MSRA: variants seen among roughly 807,000 people sequenced by gnomAD.
MSRA encodes methionine sulfoxide reductase A.
Under a neutral mutation model 31.3 loss-of-function variants are expected in MSRA, and 54 were observed. The ratio of observed to expected loss-of-function variants is 1.73; its 90% CI spans 1.39 to 2.17. The LOEUF (loss-of-function observed/expected upper bound fraction) is 2.17. MSRA is among the 30% of genes most tolerant of loss of function. MSRA has a pLI of 0.00. For synonymous variants in MSRA, 169 were observed against 116.5 expected (o/e 1.45, Z -2.90); for missense variants, 507 against 300.9 (o/e 1.69, Z -5.07).
intron 2 of MSRA, among the ~76,000 whole-genome samples, chr8:10,223,997 C>T (rs1810761492): frequency 6.6e-6 from 1 of 152,182 alleles, no homozygotes; most frequent in African/African-American, 2.4e-5. Context: ...CTAACTAGTT[C>T]TGGGTCCATG....
At chr8:10,254,858 TA>T (rs889046816) in intron 3 of MSRA, among the ~76,000 whole-genome samples, 1 of 152,240 alleles carries the variant, frequency 6.6e-6, no homozygotes, top group East Asian at 1.9e-4. Flanking sequence ...AAATGGCTTA[TA>T]AAAAATAATC....
chr8:10,257,839 A>G (rs1473970193), intron 3 of MSRA, among the ~76,000 whole-genome samples: 1 of 152,138 alleles, frequency 6.6e-6, no homozygotes, highest in Non-Finnish European at 1.5e-5. Context: ...TATTTTTCTG[A>G]CAGGACATGC....
intron 1 of MSRA, among the ~76,000 whole-genome samples, chr8:10,189,665 A>T (rs1757656925): frequency 6.6e-6 from 1 of 152,202 alleles, no homozygotes; most frequent in South Asian, 2.1e-4. Flanking sequence ...TTGTTAAAAC[A>T]ACTTTGAATT....
At chr8:10,322,528 G>A (rs1446767838) in intron 5 of MSRA, among the ~76,000 whole-genome samples, 5 of 152,096 alleles carry the variant, frequency 3.3e-5, no homozygotes, top group African/African-American at 1.2e-4. Flanking sequence ...AGATTTGTGG[G>A]GAAGGTAAGT....
At chr8:10,093,633 A>T (rs1798967192) in intron 1 of MSRA, among the ~76,000 whole-genome samples, 1 of 152,226 alleles carries the variant, frequency 6.6e-6, no homozygotes, top group African/African-American at 2.4e-5. Context: ...TATTTAAAAA[A>T]TTAAACTATG....
intron 3 of MSRA, among the ~76,000 whole-genome samples, chr8:10,270,312 C>G (rs541676981): frequency 1.7e-3 from 264 of 151,094 alleles, no homozygotes; most frequent in African/African-American, 5.8e-3. Context: ...AAATGCCATA[C>G]AAAAGAAAGG....
At chr8:10,394,794 T>G (rs1022796864) in intron 5 of MSRA, among the ~76,000 whole-genome samples, 1 of 152,046 alleles carries the variant, frequency 6.6e-6, no homozygotes, top group South Asian at 2.1e-4. Flanking sequence ...TGGGAAGGAG[T>G]TGGCTTGTCC....
chr8:10,156,809 C>CT (rs58761026), intron 1 of MSRA, among the ~76,000 whole-genome samples: 1,276 of 125,058 alleles, frequency 0.01, 14 homozygotes, highest in African/African-American at 0.031. Context: ...AGCTTCATTC[C>CT]TTTTTTTTTT....
intron 1 of MSRA, among the ~76,000 whole-genome samples, chr8:10,123,127 G>C (rs1035615864): frequency 1.3e-5 from 2 of 152,156 alleles, no homozygotes; most frequent in African/African-American, 4.8e-5. Context: ...CGCAATGGTC[G>C]AACTAATTCC....
chr8:10,231,230 G>A (rs1003786031), intron 2 of MSRA, among the ~76,000 whole-genome samples: 3 of 152,090 alleles, frequency 2.0e-5, no homozygotes, highest in Non-Finnish European at 4.4e-5. Flanking sequence ...TGAGGCGGGC[G>A]GACAGGGAGG....
At chr8:10,272,497 A>C (rs1233855500) in intron 3 of MSRA, among the ~76,000 whole-genome samples, 1 of 152,190 alleles carries the variant, frequency 6.6e-6, no homozygotes, top group Non-Finnish European at 1.5e-5. Flanking sequence ...CAGGCCTTCA[A>C]CTTACTGGGT....
intron 1 of MSRA, among the ~76,000 whole-genome samples, chr8:10,098,584 A>C (rs1799327840): frequency 6.6e-6 from 1 of 152,222 alleles, no homozygotes; most frequent in Non-Finnish European, 1.5e-5. Context: ...TAGATAGAAA[A>C]AGGCAGTACT....
At chr8:10,414,647 A>G (rs1351998825) in intron 5 of MSRA, among the ~76,000 whole-genome samples, 1 of 152,230 alleles carries the variant, frequency 6.6e-6, no homozygotes, top group African/African-American at 2.4e-5. Flanking sequence ...TCAGTGCTCT[A>G]AGCTTAAGCA....
At chr8:10,282,044 C>CT (rs897734676) in intron 3 of MSRA, among the ~76,000 whole-genome samples, 16 of 152,294 alleles carry the variant, frequency 1.1e-4, no homozygotes, top group African/African-American at 3.8e-4. Context: ...CTTCCAGACT[C>CT]TCCCCCCACG....
chr8:10,158,020 A>G (rs1008838939), intron 1 of MSRA, among the ~76,000 whole-genome samples: 2 of 152,182 alleles, frequency 1.3e-5, no homozygotes, highest in African/African-American at 4.8e-5. Context: ...AAAGTCCAAG[A>G]TCAAGGAGCC....
intron 1 of MSRA, among the ~76,000 whole-genome samples, chr8:10,154,775 A>G (rs1804006583): frequency 6.6e-6 from 1 of 152,110 alleles, no homozygotes; most frequent in Non-Finnish European, 1.5e-5. Context: ...AAATATATCA[A>G]TTGTATGAAG....
At chr8:10,412,236 C>G (rs1188051714) in intron 5 of MSRA, among the ~76,000 whole-genome samples, 1 of 152,208 alleles carries the variant, frequency 6.6e-6, no homozygotes, top group Non-Finnish European at 1.5e-5. Context: ...TGTATTGCAG[C>G]TAGTCGTTCT....
intron 5 of MSRA, among the ~76,000 whole-genome samples, chr8:10,409,577 C>T (rs547439379): frequency 6.6e-6 from 1 of 152,320 alleles, no homozygotes; most frequent in African/African-American, 2.4e-5. Context: ...ACTGTGATCT[C>T]TAGAGAGGAC....
intron 1 of MSRA, among the ~76,000 whole-genome samples, chr8:10,198,076 G>A (rs890962784): frequency 6.6e-6 from 1 of 152,054 alleles, no homozygotes. Flanking sequence ...AAATATACCC[G>A]ATAGGGGCTA....
Sources: allele counts gnomAD v4.1 joint callset (sites outside exome capture counted in the v4.1 genomes callset), GRCh38; gene constraint gnomAD v4.1.1; transcripts MANE v1.5; gene names NCBI Gene and HGNC (gene_info 2026-07-23, HGNC 2026-07-21).